Variants in CTTNBP2 observed in about 807,000 individuals in gnomAD.
The protein encoded by CTTNBP2 is cortactin-binding protein 2.
CTTNBP2 carries 108 observed loss-of-function variants against 156.9 expected under a neutral mutation model. That is an observed-to-expected ratio of 0.69 (90% confidence interval 0.59 to 0.81). CTTNBP2 has a LOEUF of 0.81. CTTNBP2 is among the 30% of genes least tolerant of loss of function. CTTNBP2 has a pLI of 0.00. For synonymous variants in CTTNBP2, 767 were observed against 751.8 expected, an observed-to-expected ratio of 1.02 and a Z score of -0.33; for missense variants, 1,924 against 2,035.4, an observed-to-expected ratio of 0.95 and a Z score of 1.05.
chr7:117,792,042 C>A lies in CTTNBP2; in HGVS notation c.1154G>T (p.Gly385Val), dbSNP rs866299576. 1.2e-6 allele frequency: 2 copies of A among 1,613,958 alleles called. No individual in the cohort carries two copies. The highest frequency in any genetic ancestry group is 1.7e-6 in the Non-Finnish European group (2 of 1,180,006). ...ATCTGGTGTTGAGCCAGTGCTTGGTCCATTTTCCTCAATTTTGTTTGCACT... is the reference window on the plus strand; with the variant it reads ...ATCTGGTGTTGAGCCAGTGCTTGGTACATTTTCCTCAATTTTGTTTGCACT... Reference protein sequence around the residue: ...PPSANKIEENGPSTGSTPDPT... With the variant: ...PPSANKIEENVPSTGSTPDPT... Residue 385 changes from glycine to valine, a missense_variant, in exon 4 of 23, where the codon GGA becomes GTA. Coordinates refer to ENST00000160373, the MANE Select transcript of CTTNBP2 (RefSeq NM_033427.3). The surrounding 1 kb of genome is among the most constrained non-coding windows in gnomAD (Gnocchi z 4.2).
intron 3 of CTTNBP2, among the ~76,000 whole-genome samples, chr7:117,803,848 T>TA (rs1030852819): frequency 2.0e-5 from 3 of 152,286 alleles, no homozygotes; most frequent in African/African-American, 7.2e-5. Context: ...ATTTTGTCCT[T>TA]AAAAAAGGTA....
At chr7:117,787,543 TAAAAAAAGA>T (rs1290706097) in intron 4 of CTTNBP2, among the ~76,000 whole-genome samples, 6 of 151,944 alleles carry the variant, frequency 3.9e-5, no homozygotes, top group Admixed American at 1.3e-4. Flanking sequence ...ATGTATCAAA[TAAAAAAAGA>T]AAAAACAGAA....
chr7:117,773,851 C>G (rs1371457347), intron 8 of CTTNBP2, among the ~76,000 whole-genome samples: 1 of 151,954 alleles, frequency 6.6e-6, no homozygotes, highest in African/African-American at 2.4e-5. Context: ...CCCAGGGAGA[C>G]AAAGCAAAAG....
At chr7:117,766,970 T>C in intron 9 of CTTNBP2, 89 bp downstream of exon 9, 1 of 780,602 alleles carries the variant, frequency 1.3e-6, no homozygotes, top group Non-Finnish European at 2.3e-6. Flanking sequence ...AAAAAGGACA[T>C]GCAAAAGATG....
At chr7:117,789,758 T>C (rs1472406936) in intron 4 of CTTNBP2, among the ~76,000 whole-genome samples, 2 of 152,194 alleles carry the variant, frequency 1.3e-5, no homozygotes, top group Non-Finnish European at 2.9e-5. Context: ...GCTGACAGGT[T>C]ATAGGATCCA....
At position 117,725,354 on chromosome 7, in the gene CTTNBP2, A is replaced by G. The variant is rs1178881987; in HGVS notation, c.4056-97T>C. ...ACAGTTTGAAGACTATGGGGAAAAAACGTTAAGTGTTTCTATAGATATGCT... is the reference window on the plus strand; with the variant it reads ...ACAGTTTGAAGACTATGGGGAAAAAGCGTTAAGTGTTTCTATAGATATGCT... On this transcript the variant is annotated intron_variant, in intron 17 of 22. Coordinates refer to ENST00000160373, the MANE Select transcript of CTTNBP2 (RefSeq NM_033427.3). 3 of 1,106,452 alleles carry G rather than the reference A, an allele frequency of 2.7e-6. No homozygotes were observed. The Admixed American group carries it at 5.6e-5, about 21-fold the overall frequency. 68.5% of individuals were successfully genotyped at this position (1,106,452 alleles called of 1,614,324 possible).
At position 117,711,486 on chromosome 7, in the gene CTTNBP2, G is replaced by C. The variant is rs1352116914; in HGVS notation, c.*51C>G. ...AAGGTATTTGTATCTTGTTGTCCTT[G>C]GTTTCTGTGTGAAATAGAGGAAGTT... is the stretch of plus-strand genomic sequence containing the variant. On this transcript the variant is annotated 3_prime_UTR_variant, in exon 23 of 23. Transcript: ENST00000160373. The C allele has an allele frequency of 3.2e-6, 5 of 1,548,562 alleles. No individual in the cohort carries two copies. Among genetic ancestry groups the C allele is most frequent in the Non-Finnish European group, 4.4e-6 (5 of 1,147,524 alleles).
chr7:117,826,619 A>G (rs1230132009), intron 2 of CTTNBP2, among the ~76,000 whole-genome samples: 1 of 152,044 alleles, frequency 6.6e-6, no homozygotes, highest in Non-Finnish European at 1.5e-5. Context: ...TCAAGCTTCT[A>G]AATCCTGAAT....
chr7:117,816,938 T>C (rs1800613130), intron 2 of CTTNBP2, among the ~76,000 whole-genome samples: 1 of 152,100 alleles, frequency 6.6e-6, no homozygotes, highest in African/African-American at 2.4e-5. Flanking sequence ...TACTTGAGAA[T>C]GAAACGCACT....
chr7:117,799,436 C>T (rs1297193854), intron 3 of CTTNBP2, among the ~76,000 whole-genome samples: 1 of 151,568 alleles, frequency 6.6e-6, no homozygotes, highest in Non-Finnish European at 1.5e-5. Context: ...TGCAAATAAA[C>T]TATTTTTTAA....
intron 12 of CTTNBP2, among the ~76,000 whole-genome samples, chr7:117,755,958 T>C (rs1406952367): frequency 6.6e-6 from 1 of 152,134 alleles, no homozygotes; most frequent in Non-Finnish European, 1.5e-5. Context: ...GAGTGGTGAC[T>C]ACCTTTGACC....
intron 2 of CTTNBP2, among the ~76,000 whole-genome samples, chr7:117,853,935 T>C (rs1418744150): frequency 3.3e-5 from 5 of 152,260 alleles, no homozygotes; most frequent in Admixed American, 3.3e-4. Context: ...ATGTTTTGCA[T>C]GGTATTCTAT....
intron 8 of CTTNBP2, 83 bp from the exon 9 acceptor site, chr7:117,767,259 T>A: frequency 1.3e-6 from 1 of 778,160 alleles, no homozygotes; most frequent in Non-Finnish European, 2.3e-6. Context: ...CAGTTGCCTA[T>A]AACAATCACA....
chr7:117,811,785 G>C (rs1800293417), intron 2 of CTTNBP2, among the ~76,000 whole-genome samples: 1 of 150,850 alleles, frequency 6.6e-6, no homozygotes, highest in South Asian at 2.1e-4. Context: ...CTGGTAAGAA[G>C]AAAATTCTTT....
chr7:117,711,356 AAAAG>A lies in CTTNBP2; in HGVS notation c.*177_*180del, dbSNP rs1349862284. 9.4e-6 allele frequency: 6 copies of A among 639,434 alleles called. No homozygotes were observed. In the East Asian group the frequency reaches 1.5e-4, roughly 16 times the overall value. 39.6% of individuals were successfully genotyped at this position (639,434 alleles called of 1,614,324 possible). A position where few individuals can be genotyped will look rare whatever the true frequency, so the allele number is the denominator to read the frequency against. ...AGTTCAATCCTACAGAATTAAAAAAAAAAGCAACAAAATGTTGGTTATAAATACA... is the reference window on the plus strand; with the variant it reads ...AGTTCAATCCTACAGAATTAAAAAAACAACAAAATGTTGGTTATAAATACA... On this transcript the variant is annotated 3_prime_UTR_variant, in exon 23 of 23. Transcript: ENST00000160373.
intron 8 of CTTNBP2, among the ~76,000 whole-genome samples, chr7:117,773,532 A>C (rs1797909185): frequency 6.6e-6 from 1 of 151,944 alleles, no homozygotes; most frequent in African/African-American, 2.4e-5. Context: ...AAATATGGAG[A>C]TATGGGTTTG....
At chr7:117,727,116 A>G (rs1366237083) in intron 17 of CTTNBP2, among the ~76,000 whole-genome samples, 1 of 152,234 alleles carries the variant, frequency 6.6e-6, no homozygotes, top group African/African-American at 2.4e-5. Context: ...AAAATTCTAA[A>G]TATATATTTA....
In CTTNBP2 at chr7:117,710,934, T is replaced by A. The variant is rs965549732; in HGVS notation, c.*603A>T. ...CTTATAAGCATAAATATATACATGATGCTACCAAATGGCAATGTAACCACT... is the reference window on the plus strand; with the variant it reads ...CTTATAAGCATAAATATATACATGAAGCTACCAAATGGCAATGTAACCACT... On this transcript the variant is annotated 3_prime_UTR_variant, in exon 23 of 23. Coordinates refer to ENST00000160373, the MANE Select transcript of CTTNBP2 (RefSeq NM_033427.3). The A allele has an allele frequency of 6.6e-6, 1 of 152,646 alleles. No individual in the cohort carries two copies. The highest frequency in any genetic ancestry group is 2.4e-5 in the African/African-American group (1 of 41,460). The allele number at this position is 152,646 out of a possible 1,614,324, so 9.5% of individuals were successfully genotyped here.
Position 117,873,403 on chromosome 7 carries a change from C to T in CTTNBP2, c.13G>A (p.Gly5Ser), listed in dbSNP as rs368652096. 2.7e-5 allele frequency: 41 copies of T among 1,494,294 alleles called. No homozygotes were observed. Among genetic ancestry groups the T allele is most frequent in the Non-Finnish European group, 3.3e-5 (37 of 1,129,006 alleles). 92.6% of individuals were successfully genotyped at this position (1,494,294 alleles called of 1,614,324 possible). A position where few individuals can be genotyped will look rare whatever the true frequency, so the allele number is the denominator to read the frequency against. Reference sequence around the variant, plus strand: ...GACAAGTCGGGCTCGCAGCTCGCGCCGTCCGTCGCCATCTTCCTGCTCTAG... The same window carrying T: ...GACAAGTCGGGCTCGCAGCTCGCGCTGTCCGTCGCCATCTTCCTGCTCTAG... MATDGASCEPDLSRA... is the reference protein window; with the variant it reads MATDSASCEPDLSRA... The change falls in exon 1 of 23, where the codon GGC (glycine) becomes AGC (serine). Residue 5 changes from glycine to serine, a missense_variant. Physicochemically the swap from Gly to Ser is moderately conservative, Grantham distance 56. Transcript: ENST00000160373.
Sources: allele counts gnomAD v4.1 joint callset (sites outside exome capture counted in the v4.1 genomes callset), GRCh38; gene constraint gnomAD v4.1.1; non-coding constraint Gnocchi (gnomAD v3.1); transcripts MANE v1.5; gene names NCBI Gene and HGNC (gene_info 2026-07-23, HGNC 2026-07-21).